The following PDZK1 variants were observed in gnomAD, a reference collection of about 807,000 sequenced individuals.
PDZK1 encodes PDZ domain containing 1.
A neutral mutation model predicts 38.1 loss-of-function variants in PDZK1; 23 were observed. The ratio of observed to expected loss-of-function variants is 0.60; its 90% CI spans 0.43 to 0.85. The LOEUF (loss-of-function observed/expected upper bound fraction) is 0.85. Ranked by LOEUF, PDZK1 falls within the 40% of genes least tolerant of loss-of-function variation. The pLI is 0.00. For synonymous variants in PDZK1, 98 were observed against 186.2 expected (o/e 0.53, Z 3.86); for missense variants, 297 against 504.3 (o/e 0.59, Z 3.94).
At chr1:145,680,351 C>T (rs1474065347) in intron 5 of PDZK1, among the ~76,000 whole-genome samples, 4 of 152,294 alleles carry the variant, frequency 2.6e-5, no homozygotes, top group Non-Finnish European at 4.4e-5. Context: ...GCAGTTTATA[C>T]GGCCCGAACT....
intron 3 of PDZK1, among the ~76,000 whole-genome samples, chr1:145,682,932 G>C (rs1553700693): frequency 6.6e-6 from 1 of 152,140 alleles, no homozygotes; most frequent in African/African-American, 2.4e-5. Flanking sequence ...GTAACACAGA[G>C]ATCTACATGT....
At chr1:145,689,363 C>T (rs1553702693) in intron 1 of PDZK1, among the ~76,000 whole-genome samples, 1 of 152,128 alleles carries the variant, frequency 6.6e-6, no homozygotes, top group Non-Finnish European at 1.5e-5. Context: ...ACAGAATGAG[C>T]CCCCATGCCT....
At chr1:145,677,067 A>G (rs1370169222) in intron 6 of PDZK1, among the ~76,000 whole-genome samples, 1 of 152,232 alleles carries the variant, frequency 6.6e-6, no homozygotes, top group East Asian at 1.9e-4. Flanking sequence ...ATTACCAGGT[A>G]TTCCAAGTAT....
At chr1:145,689,157 C>T (rs1655041640) in intron 1 of PDZK1, among the ~76,000 whole-genome samples, 2 of 152,218 alleles carry the variant, frequency 1.3e-5, no homozygotes, top group Non-Finnish European at 2.9e-5. Context: ...AATCGCAGCT[C>T]ACTGCAGCCT....
At chr1:145,706,717 C>T (rs1553705784) in intron 1 of PDZK1, among the ~76,000 whole-genome samples, 1 of 152,120 alleles carries the variant, frequency 6.6e-6, no homozygotes, top group African/African-American at 2.4e-5. Context: ...TCTTTCAATT[C>T]ACACAAGGCC....
intron 1 of PDZK1, among the ~76,000 whole-genome samples, chr1:145,694,895 C>CA (rs10657290): frequency 0.09 from 3,453 of 38,430 alleles, 130 homozygotes; most frequent in Non-Finnish European, 0.12. Flanking sequence ...GACTCTGTCT[C>CA]AAAAAAAAAA....
At chr1:145,672,220 G>T (rs1285328892) in intron 8 of PDZK1, among the ~76,000 whole-genome samples, 6 of 152,172 alleles carry the variant, frequency 3.9e-5, no homozygotes, top group Non-Finnish European at 7.3e-5. Flanking sequence ...CCTGTCAGTT[G>T]TTTTAAACAA....
At position 145,683,941 on chromosome 1, in the gene PDZK1, G is replaced by A. The variant is rs587740016; in HGVS notation, c.461-1305C>T. On this transcript the variant is annotated intron_variant, in intron 3 of 8. Transcript: ENST00000417171. ...GGCTCACAGCAACCTCTGCCTCCCC[G>A]GTTCAAGCGATTCTCCTGCCTCAGC... Among the ~76,000 whole-genome samples, 8 of 150,874 alleles carry A rather than the reference G, an allele frequency of 5.3e-5. No individual in the cohort carries two copies. In the South Asian group the frequency reaches 6.4e-4, roughly 12 times the overall value.
chr1:145,687,437 A>G (rs1654879897), intron 2 of PDZK1, among the ~76,000 whole-genome samples: 1 of 150,202 alleles, frequency 6.7e-6, no homozygotes, highest in Non-Finnish European at 1.5e-5. Flanking sequence ...AGGCAGGAGA[A>G]TGGCATGAAC....
rs1285580394 is a variant in PDZK1, at chr1:145,687,872, T to C, written c.150A>G (p.Gln50=). ...TGATCCTAAGAACTCTGTCTCCATC[T>C]TGAAGGCCAGCCTTCTCTGCTGGGC... is the stretch of plus-strand genomic sequence containing the variant. ...KCSPAEKAGL[Q]DGDRVLRING... The change falls in exon 2 of 9, where the codon CAA becomes CAG. Residue 50 remains glutamine (Q), a synonymous_variant. Transcript: ENST00000417171. The C allele has an allele frequency of 6.2e-7, 1 of 1,614,004 alleles. No individual in the cohort carries two copies. The highest frequency in any genetic ancestry group is 1.3e-5 in the African/African-American group (1 of 74,908).
At chr1:145,693,718 G>A (rs1361820121) in intron 1 of PDZK1, among the ~76,000 whole-genome samples, 1 of 151,504 alleles carries the variant, frequency 6.6e-6, no homozygotes, top group Non-Finnish European at 1.5e-5. Context: ...AGCTTGCAGT[G>A]AGCTGAGATC....
chr1:145,687,854 A>C lies in PDZK1; in HGVS notation c.168T>G (p.Leu56=). ...KAGLQDGDRV[L]RINGVFVDKE... ...TGTCCACAAAGACACCATTGATCCT[A>C]AGAACTCTGTCTCCATCTTGAAGGC... The change falls in exon 2 of 9, where the codon CTT becomes CTG. Residue 56 remains leucine, a synonymous_variant. Coordinates refer to ENST00000417171, the MANE Select transcript of PDZK1 (RefSeq NM_001201325.2). 1 of 1,613,972 alleles carries C rather than the reference A, an allele frequency of 6.2e-7. No individual in the cohort carries two copies. Among genetic ancestry groups the C allele is most frequent in the African/African-American group, 1.3e-5 (1 of 74,986 alleles).
intron 6 of PDZK1, among the ~76,000 whole-genome samples, chr1:145,675,902 C>T (rs1653611119): frequency 6.6e-6 from 1 of 151,996 alleles, no homozygotes; most frequent in African/African-American, 2.4e-5. Context: ...CCTGTAGTCC[C>T]AGCTACTTGA....
At chr1:145,685,419 A>G (rs1289388248) in intron 3 of PDZK1, among the ~76,000 whole-genome samples, 3 of 152,238 alleles carry the variant, frequency 2.0e-5, no homozygotes, top group Non-Finnish European at 4.4e-5. Context: ...GTGCATTAGC[A>G]CATGAGCCAG....
chr1:145,687,970 G>T lies in PDZK1; in HGVS notation c.52C>A (p.Gln18Lys). 6.2e-7 allele frequency: 1 copy of T among 1,612,212 alleles called. No homozygotes were observed. The highest frequency in any genetic ancestry group is 1.3e-5 in the African/African-American group (1 of 74,580). ...ATTCGCAGGAAGAAGCCATAGTTTTGCCCTTCTTGCTTGGACAGTTTACAT... is the reference window on the plus strand; with the variant it reads ...ATTCGCAGGAAGAAGCCATAGTTTTTCCCTTCTTGCTTGGACAGTTTACAT... ...RECKLSKQEG[Q>K]NYGFFLRIEK... is the part of the protein sequence containing the mutation. The change falls in exon 2 of 9, where the codon CAA becomes AAA. Residue 18 changes from glutamine to lysine, a missense_variant. By Grantham distance (53) the Gln-to-Lys change is moderately conservative. Around this residue, in one of 5 missense-constraint regions of PDZK1, gnomAD observed 159 missense variants for 200.0 expected, o/e 0.79. Coordinates refer to ENST00000417171, the MANE Select transcript of PDZK1 (RefSeq NM_001201325.2).
intron 3 of PDZK1, among the ~76,000 whole-genome samples, chr1:145,684,370 G>A (rs1347991515): frequency 1.3e-5 from 2 of 151,602 alleles, no homozygotes; most frequent in African/African-American, 4.9e-5. Context: ...CACCACACCC[G>A]GCTAATTTTT....
At chr1:145,692,369 C>A (rs1258419934) in intron 1 of PDZK1, among the ~76,000 whole-genome samples, 1 of 152,188 alleles carries the variant, frequency 6.6e-6, no homozygotes, top group Non-Finnish European at 1.5e-5. Context: ...GGAGCTGTTC[C>A]TGAGTGCTCT....
intron 1 of PDZK1, among the ~76,000 whole-genome samples, chr1:145,689,151 G>A (rs1001190216): frequency 7.2e-5 from 11 of 152,142 alleles, no homozygotes; most frequent in African/African-American, 2.2e-4. Context: ...TGGCGCAATC[G>A]CAGCTCACTG....
At chr1:145,674,451 G>A (rs1291788940) in intron 6 of PDZK1, 1 of 224,136 alleles carries the variant, frequency 4.5e-6, no homozygotes, top group Non-Finnish European at 7.5e-6. Flanking sequence ...TGTCTGTGAA[G>A]GTGGTTCCAG....
Sources: allele counts gnomAD v4.1 joint callset (sites outside exome capture counted in the v4.1 genomes callset), GRCh38; gene constraint gnomAD v4.1.1; regional missense constraint gnomAD v4.1.1; transcripts MANE v1.5; gene names NCBI Gene and HGNC (gene_info 2026-07-23, HGNC 2026-07-21).